Variants in KIF16B observed in about 807,000 individuals in gnomAD.
The protein encoded by KIF16B is kinesin family member 16B.
In KIF16B, 98 loss-of-function variants were observed where a neutral mutation model predicts 156.3. That is an observed-to-expected ratio of 0.63 (90% CI 0.53 to 0.74). The LOEUF (loss-of-function observed/expected upper bound fraction) is 0.74. Among genes scored for constraint, KIF16B ranks in the 30% least tolerant of loss-of-function variants. The pLI is 0.00. For synonymous variants in KIF16B, 564 were observed against 583.7 expected (o/e 0.97, Z 0.49); for missense variants, 1,421 against 1,606.5 (o/e 0.88, Z 1.97).
At chr20:16,534,841 T>C (rs188581749) in intron 1 of KIF16B, among the ~76,000 whole-genome samples, 47 of 152,306 alleles carry the variant, frequency 3.1e-4, no homozygotes, top group African/African-American at 9.4e-4. Flanking sequence ...TCTGTTCTGC[T>C]CCATTGGTCC....
chr20:16,481,458 T>G (rs112342221), intron 12 of KIF16B, among the ~76,000 whole-genome samples: 2,985 of 152,244 alleles, frequency 0.02, 100 homozygotes, highest in African/African-American at 0.069. Flanking sequence ...CCCAAAGTGC[T>G]GGGATTAAAG....
chr20:16,320,124 G>A (rs1429703117), intron 24 of KIF16B, among the ~76,000 whole-genome samples: 2 of 152,142 alleles, frequency 1.3e-5, no homozygotes, highest in South Asian at 2.1e-4. Flanking sequence ...AAAGACTCCA[G>A]GAAAGCCCAA....
At position 16,318,678 on chromosome 20, in the gene KIF16B, T is replaced by C. The variant is rs550250364; in HGVS notation, c.3712-6260A>G. Among the ~76,000 whole-genome samples the C allele has an allele frequency of 2.6e-5, 4 of 152,228 alleles. No individual in the cohort carries two copies. The South Asian group carries it at 6.2e-4, about 24-fold the overall frequency. On this transcript the variant is annotated intron_variant, in intron 24 of 25. Coordinates refer to ENST00000354981, the MANE Select transcript of KIF16B (RefSeq NM_024704.5). ...TAGAATAACTGAATAAATAAATAAA[T>C]GGGGGATTCAGATTCACTTTGAAAA... is the stretch of plus-strand genomic sequence containing the variant.
chr20:16,317,680 C>T (rs1221023226), intron 24 of KIF16B, among the ~76,000 whole-genome samples: 1 of 152,246 alleles, frequency 6.6e-6, no homozygotes, highest in African/African-American at 2.4e-5. Flanking sequence ...CAAACACTGT[C>T]TCTGAACTGG....
chr20:16,481,244 T>G (rs1019950495), intron 12 of KIF16B, among the ~76,000 whole-genome samples: 4 of 151,604 alleles, frequency 2.6e-5, no homozygotes, highest in Admixed American at 6.6e-5. Flanking sequence ...TCGCCCTGGC[T>G]GGAGTACAGT....
intron 17 of KIF16B, among the ~76,000 whole-genome samples, chr20:16,390,477 C>T (rs767770337): frequency 6.6e-6 from 1 of 152,100 alleles, no homozygotes; most frequent in African/African-American, 2.4e-5. Context: ...ACAATGAACT[C>T]GTACACACCC....
chr20:16,343,220 T>C (rs2064171761), intron 23 of KIF16B, among the ~76,000 whole-genome samples: 1 of 152,232 alleles, frequency 6.6e-6, no homozygotes, highest in Non-Finnish European at 1.5e-5. Context: ...CAAGCGCAAC[T>C]TAAACGCCAT....
intron 17 of KIF16B, among the ~76,000 whole-genome samples, chr20:16,397,881 T>A (rs1423822088): frequency 9.8e-5 from 15 of 152,306 alleles, no homozygotes; most frequent in African/African-American, 3.1e-4. Flanking sequence ...GGCAGACGCA[T>A]CCTTTGTGCT....
chr20:16,367,388 C>T, intron 22 of KIF16B: 1 of 1,612,876 alleles, frequency 6.2e-7, no homozygotes, highest in Non-Finnish European at 8.5e-7. Context: ...GGAACAACAA[C>T]ACACCTGAAT....
chr20:16,388,789 G>C (rs1369542994), intron 17 of KIF16B, among the ~76,000 whole-genome samples: 3 of 152,126 alleles, frequency 2.0e-5, no homozygotes, highest in South Asian at 4.1e-4. Flanking sequence ...GAAGGAGGGA[G>C]GGAGAAAGAA....
chr20:16,564,000 G>C (rs1035032501), intron 1 of KIF16B, among the ~76,000 whole-genome samples: 1 of 151,868 alleles, frequency 6.6e-6, no homozygotes, highest in Non-Finnish European at 1.5e-5. Context: ...TCCCTCCCTT[G>C]CTCCTCCAGC....
At chr20:16,288,029 G>A (rs543325283) in intron 25 of KIF16B, among the ~76,000 whole-genome samples, 1 of 152,166 alleles carries the variant, frequency 6.6e-6, no homozygotes, top group Non-Finnish European at 1.5e-5. Context: ...CTACTGATAC[G>A]TTTGAATCTA....
At chr20:16,333,469 A>G (rs550475113) in intron 24 of KIF16B, among the ~76,000 whole-genome samples, 1 of 152,344 alleles carries the variant, frequency 6.6e-6, no homozygotes, top group Admixed American at 6.5e-5. Context: ...CAATGTGTTC[A>G]CCATGCAGAG....
At chr20:16,428,116 T>A (rs1027840452) in intron 14 of KIF16B, among the ~76,000 whole-genome samples, 4 of 152,168 alleles carry the variant, frequency 2.6e-5, no homozygotes, top group Non-Finnish European at 5.9e-5. Flanking sequence ...CATAGGTGAA[T>A]CTGGGGACTT....
intron 25 of KIF16B, among the ~76,000 whole-genome samples, chr20:16,296,244 A>G (rs938296037): frequency 1.1e-4 from 17 of 152,250 alleles, no homozygotes; most frequent in Admixed American, 2.0e-4. Context: ...GAGTGAGTTT[A>G]TGCAGGATGC....
intron 1 of KIF16B, among the ~76,000 whole-genome samples, chr20:16,567,931 A>G (rs559694905): frequency 4.9e-4 from 75 of 152,310 alleles, no homozygotes; most frequent in Non-Finnish European, 7.1e-4. Flanking sequence ...CAGCCTGGGC[A>G]ACAGAGCGAG....
intron 10 of KIF16B, among the ~76,000 whole-genome samples, chr20:16,503,827 A>C (rs951800938): frequency 5.9e-5 from 9 of 152,176 alleles, no homozygotes; most frequent in African/African-American, 2.2e-4. Context: ...CTAGAATCCC[A>C]ACAGATCCTA....
intron 10 of KIF16B, among the ~76,000 whole-genome samples, chr20:16,500,579 G>C (rs1270706691): frequency 6.6e-6 from 1 of 152,024 alleles, no homozygotes; most frequent in Non-Finnish European, 1.5e-5. Context: ...CAGTTTTGTT[G>C]TTTTTTTCAA....
chr20:16,350,184 G>A lies in KIF16B; in HGVS notation c.3621+6146C>T, dbSNP rs565848686. Among the ~76,000 whole-genome samples the A allele has an allele frequency of 2.6e-5, 4 of 152,346 alleles. No homozygotes were observed. In the South Asian group the frequency reaches 6.2e-4, roughly 24 times the overall value. On this transcript the variant is annotated intron_variant, in intron 23 of 25. Coordinates refer to ENST00000354981, the MANE Select transcript of KIF16B (RefSeq NM_024704.5). ...CCTGGACATCATGTGTGTGACCTAA[G>A]TTGTCTGTGTGTAGTTCTGCATTTC... is the stretch of plus-strand genomic sequence containing the variant.
Sources: gnomAD v4.1 joint callset for allele counts (sites outside exome capture counted in the v4.1 genomes callset) on GRCh38, gnomAD v4.1.1 for gene constraint, MANE v1.5 for transcripts, NCBI Gene and HGNC (gene_info 2026-07-23, HGNC 2026-07-21) for gene names.